GRPEL2: variants seen among roughly 807,000 people sequenced by gnomAD.
The protein encoded by GRPEL2 is grpE protein homolog 2, mitochondrial.
In GRPEL2, 18 loss-of-function variants were observed where a neutral mutation model predicts 25.9. The ratio of observed to expected loss-of-function variants is 0.70; its 90% CI spans 0.48 to 1.03. GRPEL2 has a LOEUF of 1.03. Ranked by LOEUF, GRPEL2 falls within the 50% of genes least tolerant of loss-of-function variation. The pLI, the probability that GRPEL2 is intolerant of heterozygous loss-of-function variation, is 0.00. For missense variants in GRPEL2, 247 were observed against 276.2 expected (o/e 0.89, Z 0.75); for synonymous variants, 106 against 107.9 (o/e 0.98, Z 0.11).
In GRPEL2 at chr5:149,349,663, C is replaced by G. The variant is rs775060667; in HGVS notation, c.241C>G (p.Gln81Glu). The G allele has an allele frequency of 6.2e-7, 1 of 1,605,448 alleles. No individual in the cohort carries two copies. The highest frequency in any genetic ancestry group is 8.5e-7 in the Non-Finnish European group (1 of 1,175,754). ...KEVQDLTVRY[Q>E]RAIADCENIR... ...TGCTTTTGATATTCAGGTGAGATAC[C>G]AGAGAGCTATAGCTGATTGTGAAAA... The change falls in exon 3 of 4, where the codon CAG (glutamine) becomes GAG (glutamate). Residue 81 changes from glutamine to glutamate, a missense_variant. Gln to Glu is a conservative substitution (Grantham distance 29, BLOSUM62 2). Around this residue, in one of 2 missense-constraint regions of GRPEL2, gnomAD observed 125 missense variants for 107.0 expected, o/e 1.17. Transcript: ENST00000329271.
At chr5:149,346,216 T>G (rs754965134) in intron 1 of GRPEL2, among the ~76,000 whole-genome samples, 2 of 152,222 alleles carry the variant, frequency 1.3e-5, no homozygotes, top group Non-Finnish European at 2.9e-5. Context: ...CTTAAATATT[T>G]GGGAAGTGGT....
chr5:149,346,877 AC>A (rs2127609413), intron 1 of GRPEL2, among the ~76,000 whole-genome samples: 1 of 151,154 alleles, frequency 6.6e-6, no homozygotes, highest in East Asian at 2.0e-4. Flanking sequence ...AGCTGGGACT[AC>A]AGGCGCCCGC....
intron 1 of GRPEL2, 92 bp from the exon 2 acceptor site, chr5:149,348,180 C>G: frequency 8.8e-7 from 1 of 1,137,734 alleles, no homozygotes; most frequent in Non-Finnish European, 1.3e-6. Flanking sequence ...TCCAGAGATT[C>G]CATCTGGGAA....
At chr5:149,345,794 A>C in intron 1 of GRPEL2, 178 bp downstream of exon 1, 1 of 614,304 alleles carries the variant, frequency 1.6e-6, no homozygotes, top group Non-Finnish European at 2.9e-6. Context: ...AACTGAGGCC[A>C]TCAGCCGTGC....
At chr5:149,345,892 T>G (rs1757681320) in intron 1 of GRPEL2, 2 of 494,412 alleles carry the variant, frequency 4.0e-6, no homozygotes, top group Non-Finnish European at 7.2e-6. Flanking sequence ...AAGGGAGGGA[T>G]GTACCACTCT....
intron 2 of GRPEL2, 51 bp downstream of exon 2, chr5:149,348,476 C>G (rs1448626260): frequency 7.6e-6 from 11 of 1,451,036 alleles, no homozygotes; most frequent in Non-Finnish European, 1.0e-5. Context: ...GTTTAAATAT[C>G]CACATAAAGT....
intron 2 of GRPEL2, among the ~76,000 whole-genome samples, chr5:149,349,252 T>C (rs549679149): frequency 6.6e-6 from 1 of 152,300 alleles, no homozygotes; most frequent in South Asian, 2.1e-4. Flanking sequence ...CATCTCAGCC[T>C]CCCAAAGTGC....
Position 149,352,824 on chromosome 5 carries a change from TGA to T in GRPEL2, c.*1546_*1547del, listed in dbSNP as rs1194667687. ...CTCTAAACTATTGACTAAATTCCAG[TGA>T]GAGTATGAATGAAGAACAACTAGAT... On this transcript the variant is annotated 3_prime_UTR_variant, in exon 4 of 4. Transcript: ENST00000329271. 1 of 152,134 alleles carries T rather than the reference TGA, an allele frequency of 6.6e-6. No individual in the cohort carries two copies. Among genetic ancestry groups the T allele is most frequent in the African/African-American group, 2.4e-5 (1 of 41,422 alleles). 9.4% of individuals were successfully genotyped at this position (152,134 alleles called of 1,614,324 possible).
intron 2 of GRPEL2, among the ~76,000 whole-genome samples, chr5:149,349,146 A>C (rs186414825): frequency 1.3e-5 from 2 of 152,108 alleles, no homozygotes; most frequent in Non-Finnish European, 2.9e-5. Flanking sequence ...CAGGTGCCTG[A>C]CACCATGCCA....
chr5:149,348,439 A>G lies in GRPEL2; in HGVS notation c.231+14A>G. 1.3e-6 allele frequency: 2 copies of G among 1,577,792 alleles called. No individual in the cohort carries two copies. Among genetic ancestry groups the G allele is most frequent in the Non-Finnish European group, 1.7e-6 (2 of 1,164,662 alleles). ...CAAGATTTAACAGTGAGTCAATTTT[A>G]TATTTCTTCTTCATATCCTCTCTCT... On this transcript the variant is annotated intron_variant, in intron 2 of 3. Transcript: ENST00000329271.
rs374745476 is a variant in GRPEL2 at position 149,345,560 on chromosome 5, G to T, written c.21G>T (p.Trp7Cys). Reference sequence around the variant, plus strand: ...GAAACATGGCCGTACGGTCGCTGTGGGCGGGCCGGCTGCGGGTGCAGCGCC... The same window carrying T: ...GAAACATGGCCGTACGGTCGCTGTGTGCGGGCCGGCTGCGGGTGCAGCGCC... MAVRSL[W>C]AGRLRVQRLL... Residue 7 changes from tryptophan (W) to cysteine (C), a missense_variant, in exon 1 of 4, where the codon TGG becomes TGT. Physicochemically the swap from Trp to Cys is radical, Grantham distance 215. Coordinates refer to ENST00000329271, the MANE Select transcript of GRPEL2 (RefSeq NM_152407.4). 7 of 1,611,970 alleles carry T rather than the reference G, an allele frequency of 4.3e-6. No individual in the cohort carries two copies. Among genetic ancestry groups the T allele is most frequent in the Non-Finnish European group, 5.1e-6 (6 of 1,179,326 alleles).
intron 3 of GRPEL2, 146 bp downstream of exon 3, chr5:149,349,881 A>C: frequency 1.6e-6 from 1 of 627,074 alleles, no homozygotes; most frequent in Admixed American, 2.9e-5. Flanking sequence ...CCTCGTCTCT[A>C]CTGAAAATAC....
rs62378142 is a variant in GRPEL2 at position 149,351,827 on chromosome 5, T to C, written c.*545T>C. ...TTCTTGTAATCCCAACTAGATAGGC[T>C]TTATGCTCACATCATTGTCCCATAC... On this transcript the variant is annotated 3_prime_UTR_variant, in exon 4 of 4. Coordinates refer to ENST00000329271, the MANE Select transcript of GRPEL2 (RefSeq NM_152407.4). 5,356 of 154,784 alleles carry C rather than the reference T, an allele frequency of 0.035. 133 individuals are homozygous for C. The highest frequency in any genetic ancestry group is 0.05 in the Non-Finnish European group (3,498 of 69,544). The allele number at this position is 154,784 out of a possible 1,614,324, so 9.6% of individuals were successfully genotyped here.
chr5:149,351,102 G>T lies in GRPEL2; in HGVS notation c.498G>T (p.Leu166=). The change falls in exon 4 of 4, where the codon CTG becomes CTT. Residue 166 remains leucine (L), a synonymous_variant. Coordinates refer to ENST00000329271, the MANE Select transcript of GRPEL2 (RefSeq NM_152407.4). The stretch of plus-strand genomic sequence containing the variant: ...TTGCCAAGCATGGCCTGGAGAAACT[G>T]ACACCCATTGGTGACAAATATGACC... ...SVFAKHGLEK[L]TPIGDKYDPH... 1 of 1,614,200 alleles carries T rather than the reference G, an allele frequency of 6.2e-7. No individual in the cohort carries two copies. The highest frequency in any genetic ancestry group is 1.1e-5 in the South Asian group (1 of 91,066).
At chr5:149,348,992 A>T (rs964961376) in intron 2 of GRPEL2, among the ~76,000 whole-genome samples, 13 of 151,844 alleles carry the variant, frequency 8.6e-5, no homozygotes, top group Non-Finnish European at 1.3e-4. Context: ...AATAGATGAC[A>T]TACTTTTTTT....
chr5:149,346,518 G>A (rs1757691441), intron 1 of GRPEL2, among the ~76,000 whole-genome samples: 1 of 152,090 alleles, frequency 6.6e-6, no homozygotes, highest in Admixed American at 6.5e-5. Flanking sequence ...TCGGGACTTG[G>A]TTTTGCTTAC....
At position 149,351,227 on chromosome 5, in the gene GRPEL2, G is replaced by T. The variant is rs141968352; in HGVS notation, c.623G>T (p.Arg208Leu). ...CAAGATGGCTACAAACTTCATGGCC[G>T]CACCATTAGGCTTGCCCGAGTGGAA... ...VRQDGYKLHG[R>L]TIRLARVEVA... The change falls in exon 4 of 4, where the codon CGC (arginine) becomes CTC (leucine). Residue 208 changes from arginine (R) to leucine (L), a missense_variant. Transcript: ENST00000329271. The T allele has an allele frequency of 2.5e-6, 4 of 1,613,532 alleles. No homozygotes were observed. Among genetic ancestry groups the T allele is most frequent in the South Asian group, 1.1e-5 (1 of 91,076 alleles).
Position 149,354,530 on chromosome 5 carries a change from T to C in GRPEL2, c.*3248T>C, listed in dbSNP as rs1757825203. On this transcript the variant is annotated 3_prime_UTR_variant, in exon 4 of 4. Transcript: ENST00000329271. ...TAATATTCATCAGAACAAGGATCAC[T>C]GAGAAAAAATATTCAGAAACAACTT... 2.0e-5 allele frequency: 3 copies of C among 152,214 alleles called. No homozygotes were observed. The highest frequency in any genetic ancestry group is 7.2e-5 in the African/African-American group (3 of 41,452). The allele number at this position is 152,214 out of a possible 1,614,324, so 9.4% of individuals were successfully genotyped here.
chr5:149,347,303 C>T (rs1483305895), intron 1 of GRPEL2, among the ~76,000 whole-genome samples: 1 of 152,178 alleles, frequency 6.6e-6, no homozygotes, highest in Non-Finnish European at 1.5e-5. Context: ...CTCCTTTACC[C>T]TCTTTAAGCC....
Sources: gnomAD v4.1 joint callset for allele counts (sites outside exome capture counted in the v4.1 genomes callset) on GRCh38, gnomAD v4.1.1 for gene constraint, gnomAD v4.1.1 regional missense constraint, MANE v1.5 for transcripts, NCBI Gene and HGNC (gene_info 2026-07-23, HGNC 2026-07-21) for gene names.